COLEC11: variants seen among roughly 807,000 people sequenced by gnomAD.
COLEC11 encodes collectin subfamily member 11, also known as collectin-11.
In COLEC11, 20 loss-of-function variants were observed where a neutral mutation model predicts 27.3. That is an observed-to-expected ratio of 0.73 (90% CI 0.51 to 1.06). COLEC11 has a LOEUF of 1.06. Ranked by LOEUF, COLEC11 falls within the 50% of genes least tolerant of loss-of-function variation. COLEC11 has a pLI of 0.00. For missense variants in COLEC11, 310 were observed against 383.0 expected, an observed-to-expected ratio of 0.81 and a Z score of 1.59; for synonymous variants, 163 against 154.7, an observed-to-expected ratio of 1.05 and a Z score of -0.40.
At chr2:3,611,185 T>A (rs1663159704) in intron 2 of COLEC11, among the ~76,000 whole-genome samples, 2 of 116,452 alleles carry the variant, frequency 1.7e-5, no homozygotes. Flanking sequence ...AACTCTCAAC[T>A]TCGTAACTTC....
At chr2:3,627,243 A>C (rs901140147) in intron 3 of COLEC11, among the ~76,000 whole-genome samples, 1 of 145,934 alleles carries the variant, frequency 6.9e-6, no homozygotes. Context: ...CTGCAACTCA[A>C]CTTCGCCTGG....
intron 3 of COLEC11, among the ~76,000 whole-genome samples, chr2:3,614,443 T>A (rs35239446): frequency 0.024 from 3,620 of 152,296 alleles, 152 homozygotes; most frequent in African/African-American, 0.081. Flanking sequence ...GAGGTATAAT[T>A]TATGGTCATT....
At chr2:3,604,190 T>C in intron 1 of COLEC11, 125 bp from the exon 2 acceptor site, 1 of 1,020,164 alleles carries the variant, frequency 9.8e-7, no homozygotes, top group Non-Finnish European at 1.5e-6. Context: ...GCACCCGCCA[T>C]GGGGGCCCAG....
intron 2 of COLEC11, among the ~76,000 whole-genome samples, chr2:3,611,799 A>G (rs534253872): frequency 4.4e-4 from 67 of 152,090 alleles, no homozygotes; most frequent in Admixed American, 7.8e-4. Context: ...AGGCCAGATA[A>G]TCAGCTTTGG....
intron 3 of COLEC11, among the ~76,000 whole-genome samples, chr2:3,619,192 CT>C (rs1427753652): frequency 6.6e-6 from 1 of 151,324 alleles, no homozygotes; most frequent in Non-Finnish European, 1.5e-5. Flanking sequence ...CTCTCCCTTT[CT>C]CTTCCTTTCT....
chr2:3,604,840 T>A (rs570344694), intron 2 of COLEC11, among the ~76,000 whole-genome samples: 1 of 152,302 alleles, frequency 6.6e-6, no homozygotes, highest in South Asian at 2.1e-4. Flanking sequence ...AGAGAAAATT[T>A]GCAACTTGTG....
chr2:3,610,535 A>G (rs1057287052), intron 2 of COLEC11, among the ~76,000 whole-genome samples: 1 of 152,194 alleles, frequency 6.6e-6, no homozygotes, highest in Admixed American at 6.5e-5. Flanking sequence ...TCTCAGCCAC[A>G]ATCACTATTG....
intron 3 of COLEC11, chr2:3,617,416 T>G: frequency 1.0e-6 from 1 of 1,001,136 alleles, no homozygotes; most frequent in South Asian, 1.3e-5. Flanking sequence ...TTCTTTGATG[T>G]GAAAGGGGCA....
intron 2 of COLEC11, chr2:3,606,065 G>GA: frequency 3.9e-6 from 6 of 1,548,176 alleles, no homozygotes; most frequent in South Asian, 3.6e-5. Context: ...AAGTTTTGGT[G>GA]AAAGTGGCTT....
At chr2:3,627,403 CACG>C (rs1323913045) in intron 3 of COLEC11, among the ~76,000 whole-genome samples, 2 of 146,666 alleles carry the variant, frequency 1.4e-5, no homozygotes, top group South Asian at 2.2e-4. Context: ...CAACGCTGGG[CACG>C]ACGATGGGCA....
In COLEC11 at chr2:3,643,645, C is replaced by T. The variant is rs147993285; in HGVS notation, c.425-82C>T. On this transcript the variant is annotated intron_variant, in intron 6 of 6. Coordinates refer to ENST00000349077, the MANE Select transcript of COLEC11 (RefSeq NM_024027.5). ...CCCACGCCTGCCCTGCCTGCCCTGC[C>T]GGCCCCTGCTGCCTGTGGCTGTGCC... The T allele has an allele frequency of 5.1e-5, 82 of 1,604,696 alleles. No homozygotes were observed. The East Asian group carries it at 5.6e-4, about 11-fold the overall frequency.
chr2:3,619,606 A>G (rs1042236219), intron 3 of COLEC11, among the ~76,000 whole-genome samples: 1 of 152,146 alleles, frequency 6.6e-6, no homozygotes, highest in Admixed American at 6.5e-5. Flanking sequence ...CCCAGGCATA[A>G]ATTTTGCTTG....
chr2:3,603,530 T>G, intron 1 of COLEC11: 1 of 887,436 alleles, frequency 1.1e-6, no homozygotes, highest in Non-Finnish European at 1.8e-6. Flanking sequence ...TTGTCCAGAC[T>G]GGTCTCGAAC....
At chr2:3,600,234 C>G (rs1312704317) in intron 1 of COLEC11, among the ~76,000 whole-genome samples, 4 of 80,692 alleles carry the variant, frequency 5.0e-5, no homozygotes, top group African/African-American at 2.0e-4. Context: ...GACTCTGTCT[C>G]AAAAAAAAAA....
At chr2:3,599,389 C>T (rs879838419) in intron 1 of COLEC11, among the ~76,000 whole-genome samples, 12 of 152,176 alleles carry the variant, frequency 7.9e-5, no homozygotes, top group Non-Finnish European at 1.2e-4. Flanking sequence ...AATTGACTGA[C>T]GCAGAGGCAC....
chr2:3,616,333 C>G (rs1000454499), intron 3 of COLEC11, among the ~76,000 whole-genome samples: 5 of 151,086 alleles, frequency 3.3e-5, no homozygotes, highest in African/African-American at 1.2e-4. Flanking sequence ...CAGGCAGAGA[C>G]ACTCCTCACT....
chr2:3,631,924 C>T (rs529963560), intron 3 of COLEC11, among the ~76,000 whole-genome samples: 27 of 152,286 alleles, frequency 1.8e-4, no homozygotes, highest in South Asian at 1.7e-3. Context: ...GTTCCTGGCC[C>T]GTGGAGGGTG....
At chr2:3,625,392 G>C (rs1436641574) in intron 3 of COLEC11, among the ~76,000 whole-genome samples, 1 of 152,112 alleles carries the variant, frequency 6.6e-6, no homozygotes, top group Non-Finnish European at 1.5e-5. Flanking sequence ...CTTGTGGTGG[G>C]TGGGGGGCCA....
chr2:3,596,769 A>G (rs750693345), intron 1 of COLEC11, among the ~76,000 whole-genome samples: 17 of 152,072 alleles, frequency 1.1e-4, no homozygotes, highest in African/African-American at 1.4e-4. Context: ...GCTGGGAGAT[A>G]AGGATGTTGT....
Sources: allele counts gnomAD v4.1 joint callset (sites outside exome capture counted in the v4.1 genomes callset), GRCh38; gene constraint gnomAD v4.1.1; transcripts MANE v1.5; gene names NCBI Gene and HGNC (gene_info 2026-07-23, HGNC 2026-07-21).